PCDHGA8: variants seen among roughly 807,000 people sequenced by gnomAD.
PCDHGA8 encodes the protein protocadherin gamma subfamily A, 8, also known as protocadherin gamma-A8.
Under a neutral mutation model 59.2 loss-of-function variants are expected in PCDHGA8, and 45 were observed. That is an observed-to-expected ratio of 0.76 (90% confidence interval 0.60 to 0.98). The LOEUF (loss-of-function observed/expected upper bound fraction) is 0.98. PCDHGA8 is among the 50% of genes least tolerant of loss of function. PCDHGA8 has a pLI of 0.00. For missense variants in PCDHGA8, 1,257 were observed against 1,196.2 expected (o/e 1.05, Z -0.75); for synonymous variants, 531 against 519.0 (o/e 1.02, Z -0.32).
intron 1 of PCDHGA8, chr5:141,471,533 G>C (rs921328911): frequency 1.3e-5 from 2 of 152,234 alleles, no homozygotes. Context: ...AGGAAGCTAT[G>C]ATAGCATTTA....
Position 141,485,538 on chromosome 5 carries a change from A to T in PCDHGA8, c.2425-9269A>T. ...TTGGAAATGTACCGAGCAGAGGTAG[A>T]GATCGTAGATGTGAATGATCACGCC... On this transcript the variant is annotated intron_variant, in intron 1 of 3. Transcript: ENST00000398604. The surrounding 1 kb of genome is among the most constrained non-coding windows in gnomAD (Gnocchi z 5.7). The T allele has an allele frequency of 6.2e-7, 1 of 1,614,162 alleles. No individual in the cohort carries two copies. Among genetic ancestry groups the T allele is most frequent in the Admixed American group, 1.7e-5 (1 of 60,012 alleles).
chr5:141,465,836 A>G (rs974075792), intron 1 of PCDHGA8, among the ~76,000 whole-genome samples: 1 of 151,774 alleles, frequency 6.6e-6, no homozygotes, highest in East Asian at 1.9e-4. Context: ...TAAAATTTCA[A>G]CTGAGGCTGG....
At chr5:141,414,336 C>T (rs567878158) in intron 1 of PCDHGA8, 3 of 1,613,846 alleles carry the variant, frequency 1.9e-6, no homozygotes, top group East Asian at 2.2e-5. Flanking sequence ...GACAGGTAAC[C>T]TGTTCCATTT....
rs766865642 is a variant in PCDHGA8, at chr5:141,400,084, A to G, written c.2424+4847A>G. 34 of 1,613,852 alleles carry G rather than the reference A, an allele frequency of 2.1e-5. No homozygotes were observed. The highest frequency in any genetic ancestry group is 2.0e-4 in the Admixed American group (12 of 60,006). On this transcript the variant is annotated intron_variant, in intron 1 of 3. Transcript: ENST00000398604. The stretch of plus-strand genomic sequence containing the variant: ...TGGTGGACAGCCGCCACTCTCCGCC[A>G]CCGCCACGCTGCACTTGGTCTTTGC...
At position 141,395,150 on chromosome 5, in the gene PCDHGA8, C is replaced by T. The variant is rs368875505; in HGVS notation, c.2337C>T (p.Leu779=). ...CCCAGCCCAACTACGCAGACATGCT[C>T]ATCAGTCAGGAGGGCTGTGAGAAAA... ...IFPQPNYADM[L]ISQEGCEKND... is the part of the protein sequence containing the mutation. Residue 779 remains leucine (L), a synonymous_variant, in exon 1 of 4, where the codon CTC becomes CTT. Transcript: ENST00000398604. 8 of 1,614,044 alleles carry T rather than the reference C, an allele frequency of 5.0e-6. No individual in the cohort carries two copies. In the African/African-American group the frequency reaches 6.7e-5, roughly 13 times the overall value.
intron 1 of PCDHGA8, chr5:141,409,995 C>T: frequency 1.2e-6 from 2 of 1,613,308 alleles, no homozygotes; most frequent in Non-Finnish European, 1.7e-6. Context: ...GACGCCGACT[C>T]GGGACACAAC....
chr5:141,423,327 A>C, intron 1 of PCDHGA8: 1 of 1,614,100 alleles, frequency 6.2e-7, no homozygotes, highest in Non-Finnish European at 8.5e-7. Context: ...CGGTGGCCGC[A>C]GTCTCCTGCA....
In PCDHGA8 at chr5:141,423,840, A is replaced by G. The variant is rs189449471; in HGVS notation, c.2424+28603A>G. ...CTTTGCCTTTCATGAGATTACGATA[A>G]TCTTTCAGAACGTTTTTGTGAAAGT... On this transcript the variant is annotated intron_variant, in intron 1 of 3. Coordinates refer to ENST00000398604, the MANE Select transcript of PCDHGA8 (RefSeq NM_032088.2). 1,637 of 1,279,840 alleles carry G rather than the reference A, an allele frequency of 1.3e-3. 3 individuals carry two copies. The highest frequency in any genetic ancestry group is 1.5e-3 in the Non-Finnish European group (1,519 of 1,009,392). 79.3% of individuals were successfully genotyped at this position (1,279,840 alleles called of 1,614,324 possible).
rs775081505 is a variant in PCDHGA8 at position 141,486,730 on chromosome 5, T to C, written c.2425-8077T>C. ...ACCCCCAGACAGGAGCTGTTCATGC[T>C]ACTCGATCCTTTGACTATGAGCAAA... On this transcript the variant is annotated intron_variant, in intron 1 of 3. Coordinates refer to ENST00000398604, the MANE Select transcript of PCDHGA8 (RefSeq NM_032088.2). This position sits in a 1 kb window ranked among gnomAD's most constrained non-coding sequence, Gnocchi z 5.0. 1 of 1,614,120 alleles carries C rather than the reference T, an allele frequency of 6.2e-7. No homozygotes were observed. Among genetic ancestry groups the C allele is most frequent in the Non-Finnish European group, 8.5e-7 (1 of 1,180,050 alleles).
rs1038145479 is a variant in PCDHGA8 at position 141,408,047 on chromosome 5, A to G, written c.2424+12810A>G. The G allele has an allele frequency of 5.6e-6, 7 of 1,243,316 alleles. No individual in the cohort carries two copies. In the African/African-American group the frequency reaches 1.1e-4, roughly 19 times the overall value. The allele number at this position is 1,243,316 out of a possible 1,614,324, so 77.0% of individuals were successfully genotyped here. On this transcript the variant is annotated intron_variant, in intron 1 of 3. Coordinates refer to ENST00000398604, the MANE Select transcript of PCDHGA8 (RefSeq NM_032088.2). ...GAAAGAAGAAAACCAGCTCCCACAC[A>G]GAGCCTCCCGGCTGCGCAGACCTTT...
chr5:141,479,731 G>C (rs1176632022), intron 1 of PCDHGA8: 1 of 152,216 alleles, frequency 6.6e-6, no homozygotes, highest in East Asian at 1.9e-4. Context: ...TTTTTCTTAA[G>C]TATATGCACA....
At chr5:141,500,094 A>C (rs2099796337) in intron 2 of PCDHGA8, among the ~76,000 whole-genome samples, 1 of 151,860 alleles carries the variant, frequency 6.6e-6, no homozygotes, top group South Asian at 2.1e-4. Context: ...CCATTTTTGC[A>C]ATTTATTTGT....
intron 2 of PCDHGA8, among the ~76,000 whole-genome samples, chr5:141,505,119 G>A (rs371973470): frequency 3.1e-4 from 47 of 152,210 alleles, no homozygotes; most frequent in African/African-American, 1.0e-3. Flanking sequence ...CCAAGATCGC[G>A]CCACTGCACT....
At chr5:141,472,855 A>C (rs1179268125) in intron 1 of PCDHGA8, among the ~76,000 whole-genome samples, 3 of 151,078 alleles carry the variant, frequency 2.0e-5, no homozygotes, top group African/African-American at 7.3e-5. Flanking sequence ...GCATGGTGGC[A>C]CATGCCTGTA....
chr5:141,508,270 G>C lies in PCDHGA8; in HGVS notation c.2573-2677G>C, dbSNP rs547745015. On this transcript the variant is annotated intron_variant, in intron 3 of 3. Coordinates refer to ENST00000398604, the MANE Select transcript of PCDHGA8 (RefSeq NM_032088.2). Reference sequence around the variant, plus strand: ...TCTCCTGGGACCAAGAGAAAATCCCGGTCCTTGACCAAGGTGGGCCTTGGG... The same window carrying C: ...TCTCCTGGGACCAAGAGAAAATCCCCGTCCTTGACCAAGGTGGGCCTTGGG... 4 of 152,228 alleles carry C rather than the reference G, an allele frequency of 2.6e-5. No individual in the cohort carries two copies. The East Asian group carries it at 7.7e-4, about 29-fold the overall frequency. 9.4% of individuals were successfully genotyped at this position (152,228 alleles called of 1,614,324 possible). A position where few individuals can be genotyped will look rare whatever the true frequency, so the allele number is the denominator to read the frequency against.
rs2093194899 is a variant in PCDHGA8 at position 141,395,198 on chromosome 5, A to G, written c.2385A>G (p.Val795=). 1 of 1,613,990 alleles carries G rather than the reference A, an allele frequency of 6.2e-7. No homozygotes were observed. Among genetic ancestry groups the G allele is most frequent in the Non-Finnish European group, 8.5e-7 (1 of 1,179,888 alleles). Residue 795 remains valine, a synonymous_variant, in exon 1 of 4, where the codon GTA becomes GTG. Transcript: ENST00000398604. ...CEKNDSLLTS[V]DFHEYKNEAD... The stretch of plus-strand genomic sequence containing the variant: ...AAAATGATTCTTTGTTAACATCCGT[A>G]GATTTTCATGAATATAAGAATGAAG...
At chr5:141,398,819 A>C (rs571120530) in intron 1 of PCDHGA8, 1 of 1,613,994 alleles carries the variant, frequency 6.2e-7, no homozygotes, top group East Asian at 2.2e-5. Flanking sequence ...CTCCGGATCC[A>C]GGTAACCGAC....
chr5:141,510,582 A>G (rs1156375287), intron 3 of PCDHGA8, among the ~76,000 whole-genome samples: 2 of 152,166 alleles, frequency 1.3e-5, no homozygotes, highest in Non-Finnish European at 2.9e-5. Context: ...TATTTTACGT[A>G]CCTGACATAC....
Position 141,418,952 on chromosome 5 carries a change from G to C in PCDHGA8, c.2424+23715G>C, listed in dbSNP as rs1377467334. On this transcript the variant is annotated intron_variant, in intron 1 of 3. Coordinates refer to ENST00000398604, the MANE Select transcript of PCDHGA8 (RefSeq NM_032088.2). ...TATGGAGGATTCCCCTCCAGGAGTG[G>C]TTGTTGCCCTCTTCAAAACACGGGA... 4.3e-6 allele frequency: 7 copies of C among 1,613,932 alleles called. No individual in the cohort carries two copies. Among genetic ancestry groups the C allele is most frequent in the Non-Finnish European group, 5.9e-6 (7 of 1,179,908 alleles).
Sources: gnomAD v4.1 joint callset for allele counts (sites outside exome capture counted in the v4.1 genomes callset) on GRCh38, gnomAD v4.1.1 for gene constraint, Gnocchi (gnomAD v3.1) non-coding constraint, MANE v1.5 for transcripts, NCBI Gene and HGNC (gene_info 2026-07-23, HGNC 2026-07-21) for gene names.